Variants in ILRUN observed in about 807,000 individuals in gnomAD.
The protein encoded by ILRUN is protein ILRUN.
In ILRUN, 3 loss-of-function variants were observed where a neutral mutation model predicts 33.8. The ratio of observed to expected loss-of-function variants is 0.09; its 90% CI spans 0.04 to 0.23. The LOEUF is 0.23. ILRUN is among the 10% of genes least tolerant of loss of function. The pLI is 1.00. For synonymous variants in ILRUN, 124 were observed against 138.9 expected (o/e 0.89, Z 0.75); for missense variants, 210 against 375.1 (o/e 0.56, Z 3.64).
At chr6:34,612,623 G>A (rs1032270252) in intron 3 of ILRUN, among the ~76,000 whole-genome samples, 2 of 152,132 alleles carry the variant, frequency 1.3e-5, no homozygotes, top group African/African-American at 4.8e-5. Context: ...AAGTATAAAA[G>A]AGGCCAGGTA....
At chr6:34,635,973 C>A (rs1351535750) in intron 3 of ILRUN, among the ~76,000 whole-genome samples, 1 of 152,046 alleles carries the variant, frequency 6.6e-6, no homozygotes, top group Non-Finnish European at 1.5e-5. Context: ...AAAGAGAAAT[C>A]CAGACTGGAC....
chr6:34,671,515 T>C (rs1425435023), intron 1 of ILRUN, among the ~76,000 whole-genome samples: 1 of 152,356 alleles, frequency 6.6e-6, no homozygotes, highest in East Asian at 1.9e-4. Context: ...ATCTGTATAA[T>C]ATATGTGGCA....
In ILRUN at chr6:34,683,409, TATATATATAC is replaced by T. The variant is rs368700512; in HGVS notation, c.158+13027_158+13036del. On this transcript the variant is annotated intron_variant, in intron 1 of 4. Transcript: ENST00000374023. ...TGTTATATATATGCACATATATACA[TATATATATAC>T]ATATATATACATATATATATACATA... 7.2e-4 allele frequency among the ~76,000 whole-genome samples: 72 copies of T among 99,622 alleles called. 4 individuals are homozygous for T. Among genetic ancestry groups the T allele is most frequent in the African/African-American group, 3.7e-3 (56 of 15,330 alleles). The allele number at this position is 99,622 out of a possible 152,430, so 65.4% of individuals were successfully genotyped here. A position where few individuals can be genotyped will look rare whatever the true frequency, so the allele number is the denominator to read the frequency against.
chr6:34,639,796 A>G (rs1762433395), intron 3 of ILRUN, among the ~76,000 whole-genome samples: 1 of 152,198 alleles, frequency 6.6e-6, no homozygotes, highest in South Asian at 2.1e-4. Context: ...TACTTTTGTT[A>G]ATTTATAACT....
intron 1 of ILRUN, among the ~76,000 whole-genome samples, chr6:34,658,871 G>A (rs1422676352): frequency 9.9e-5 from 15 of 152,184 alleles, no homozygotes; most frequent in Non-Finnish European, 7.3e-5. Flanking sequence ...TTTTGAACAA[G>A]CAGCTAAGCC....
At chr6:34,683,401 T>TAC (rs1763416794) in intron 1 of ILRUN, among the ~76,000 whole-genome samples, 1 of 106,720 alleles carries the variant, frequency 9.4e-6, no homozygotes, top group Non-Finnish European at 1.7e-5. Flanking sequence ...TATATGCACA[T>TAC]ATATACATAT....
At chr6:34,692,703 G>A (rs1332944223) in intron 1 of ILRUN, among the ~76,000 whole-genome samples, 1 of 152,168 alleles carries the variant, frequency 6.6e-6, no homozygotes, top group East Asian at 1.9e-4. Flanking sequence ...GGGAGACTAA[G>A]GCAAGATTGA....
At chr6:34,604,840 T>TG (rs2127319003) in intron 4 of ILRUN, among the ~76,000 whole-genome samples, 1 of 152,334 alleles carries the variant, frequency 6.6e-6, no homozygotes, top group African/African-American at 2.4e-5. Context: ...AATAAATTAA[T>TG]CCTTCATTTA....
chr6:34,682,258 T>G (rs1335473503), intron 1 of ILRUN, among the ~76,000 whole-genome samples: 1 of 55,500 alleles, frequency 1.8e-5, no homozygotes, highest in South Asian at 4.8e-4. Flanking sequence ...TCTGTTTTTT[T>G]TTTTTTTTTT....
At chr6:34,593,275 T>G (rs1466361547) in intron 4 of ILRUN, among the ~76,000 whole-genome samples, 1 of 152,312 alleles carries the variant, frequency 6.6e-6, no homozygotes, top group East Asian at 1.9e-4. Flanking sequence ...TTGCTTCCTA[T>G]GAAATATTTA....
intron 2 of ILRUN, among the ~76,000 whole-genome samples, chr6:34,649,367 A>G (rs2814992): frequency 0.45 from 67,680 of 151,946 alleles, 17,100 homozygotes; most frequent in African/African-American, 0.7. Flanking sequence ...ATAGAACTGG[A>G]CTCCAAATTA....
chr6:34,673,585 T>C (rs528943261), intron 1 of ILRUN, among the ~76,000 whole-genome samples: 14 of 152,238 alleles, frequency 9.2e-5, no homozygotes, highest in East Asian at 1.9e-4. Flanking sequence ...AACAGTAAGA[T>C]TGGTGACACA....
chr6:34,691,521 G>A (rs183276569), intron 1 of ILRUN, among the ~76,000 whole-genome samples: 62 of 152,318 alleles, frequency 4.1e-4, no homozygotes, highest in African/African-American at 1.3e-3. Context: ...GAGGCCAGGT[G>A]CGGTGGCCCA....
chr6:34,607,316 C>G (rs1008949978), intron 3 of ILRUN, among the ~76,000 whole-genome samples: 1 of 152,172 alleles, frequency 6.6e-6, no homozygotes, highest in Admixed American at 6.5e-5. Context: ...AGAATTACAA[C>G]TTTATCAATG....
rs1763423898 is a variant in ILRUN at position 34,683,431 on chromosome 6, T to TATATATATACATATATATATAC, written c.158+12993_158+13014dup. On this transcript the variant is annotated intron_variant, in intron 1 of 4. Transcript: ENST00000374023. Reference sequence around the variant, plus strand: ...ACATATATATATACATATATATACATATATATATACATATATATATACATA... The same window carrying TATATATATACATATATATATAC: ...ACATATATATATACATATATATACATATATATATACATATATATATACATATATATACATATATATATACATA... Among the ~76,000 whole-genome samples the TATATATATACATATATATATAC allele has an allele frequency of 1.3e-4, 6 of 46,418 alleles. 1 individual carries two copies. The highest frequency in any genetic ancestry group is 9.1e-4 in the South Asian group (2 of 2,198). The allele number at this position is 46,418 out of a possible 152,430, so 30.5% of individuals were successfully genotyped here. A position where few individuals can be genotyped will look rare whatever the true frequency, so the allele number is the denominator to read the frequency against.
intron 3 of ILRUN, among the ~76,000 whole-genome samples, chr6:34,632,914 C>T (rs1762277638): frequency 1.3e-5 from 2 of 152,118 alleles, no homozygotes; most frequent in Admixed American, 6.5e-5. Context: ...GAGAACAAAA[C>T]ATATAATAAA....
intron 4 of ILRUN, among the ~76,000 whole-genome samples, chr6:34,595,433 G>A (rs1189350153): frequency 1.3e-5 from 2 of 152,226 alleles, no homozygotes; most frequent in African/African-American, 2.4e-5. Flanking sequence ...AGGCAGGGCA[G>A]TGCTATCAGA....
intron 1 of ILRUN, among the ~76,000 whole-genome samples, chr6:34,664,732 AT>A (rs759107880): frequency 2.4e-4 from 36 of 152,324 alleles, no homozygotes; most frequent in Non-Finnish European, 4.0e-4. Flanking sequence ...GACAAACAAA[AT>A]GTGACTGAGA....
intron 3 of ILRUN, among the ~76,000 whole-genome samples, chr6:34,629,532 A>G (rs567181118): frequency 2.0e-5 from 3 of 152,126 alleles, no homozygotes; most frequent in Non-Finnish European, 4.4e-5. Context: ...AATCATATGT[A>G]ATTCCTACTG....
Sources: allele counts gnomAD v4.1 joint callset (sites outside exome capture counted in the v4.1 genomes callset), GRCh38; gene constraint gnomAD v4.1.1; transcripts MANE v1.5; gene names NCBI Gene and HGNC (gene_info 2026-07-23, HGNC 2026-07-21).